The following SCP2 variants were observed in gnomAD, a reference collection of about 807,000 sequenced individuals.
SCP2 encodes sterol carrier protein 2.
In SCP2, 48 loss-of-function variants were observed where a neutral mutation model predicts 71.4. The ratio of observed to expected loss-of-function variants is 0.67; its 90% CI spans 0.53 to 0.86. The LOEUF is 0.86. Among genes scored for constraint, SCP2 ranks in the 40% least tolerant of loss-of-function variants. The pLI is 0.00. For missense variants in SCP2, 560 were observed against 655.6 expected (o/e 0.85, Z 1.59); for synonymous variants, 220 against 218.1 (o/e 1.01, Z -0.08).
chr1:53,051,628 T>G lies in SCP2; in HGVS notation c.*924T>G, dbSNP rs1664200238. 6.8e-6 allele frequency: 1 copy of G among 147,248 alleles called. No individual in the cohort carries two copies. The highest frequency in any genetic ancestry group is 1.5e-5 in the Non-Finnish European group (1 of 67,642). The allele number at this position is 147,248 out of a possible 1,614,324, so 9.1% of individuals were successfully genotyped here. A position where few individuals can be genotyped will look rare whatever the true frequency, so the allele number is the denominator to read the frequency against. Reference sequence around the variant, plus strand: ...TTTCTGGCCTCTCTTGTTTTTACTGTGTATGTTCTTGCTCAGGGCTCTCTA... The same window carrying G: ...TTTCTGGCCTCTCTTGTTTTTACTGGGTATGTTCTTGCTCAGGGCTCTCTA... On this transcript the variant is annotated 3_prime_UTR_variant, in exon 16 of 16. Coordinates refer to ENST00000371514, the MANE Select transcript of SCP2 (RefSeq NM_002979.5).
In SCP2 at chr1:53,038,922, G is replaced by A. The variant is rs200036240; in HGVS notation, c.1344G>A (p.Gly448=). The part of the protein sequence containing the change: ...KEIEKKLEEE[G]EQFVKKIGGI... ...AGTGTTATTTTTCTTTCCAGGAAGGGGAACAGTTTGTGAAGAAAATCGGTG... is the reference window on the plus strand; with the variant it reads ...AGTGTTATTTTTCTTTCCAGGAAGGAGAACAGTTTGTGAAGAAAATCGGTG... The change falls in exon 14 of 16, where the codon GGG becomes GGA. Residue 448 remains glycine (G), a synonymous_variant. Coordinates refer to ENST00000371514, the MANE Select transcript of SCP2 (RefSeq NM_002979.5). 7.2e-5 allele frequency: 116 copies of A among 1,613,884 alleles called. No homozygotes were observed. Among genetic ancestry groups the A allele is most frequent in the Admixed American group, 8.3e-5 (5 of 60,012 alleles).
rs76371442 is a variant in SCP2 at position 52,995,627 on chromosome 1, G to A, written c.1081+7491G>A. 2.2e-3 allele frequency: 1,353 copies of A among 612,636 alleles called. 18 individuals are homozygous for A. In the African/African-American group the frequency reaches 0.022, roughly 10 times the overall value. The allele number at this position is 612,636 out of a possible 1,614,324, so 38.0% of individuals were successfully genotyped here. A position where few individuals can be genotyped will look rare whatever the true frequency, so the allele number is the denominator to read the frequency against. ...AGAACATAATGAGACCCCTGCCACAGCTTATATCTCACCGTGGCTGCTGTC... is the reference window on the plus strand; with the variant it reads ...AGAACATAATGAGACCCCTGCCACAACTTATATCTCACCGTGGCTGCTGTC... On this transcript the variant is annotated intron_variant, in intron 11 of 15. Transcript: ENST00000371514.
intron 11 of SCP2, among the ~76,000 whole-genome samples, chr1:53,009,611 T>G (rs1314634862): frequency 6.6e-6 from 1 of 152,204 alleles, no homozygotes; most frequent in Non-Finnish European, 1.5e-5. Flanking sequence ...CCTTACACCT[T>G]ATACAAAAAT....
chr1:52,954,654 C>A, intron 4 of SCP2, 86 bp from the exon 5 acceptor site: 2 of 1,087,574 alleles, frequency 1.8e-6, no homozygotes, highest in East Asian at 2.4e-5. Flanking sequence ...GCTCACTTGA[C>A]GTACTTATTT....
chr1:53,017,010 A>G (rs1271888378), intron 12 of SCP2, among the ~76,000 whole-genome samples: 1 of 152,200 alleles, frequency 6.6e-6, no homozygotes, highest in African/African-American at 2.4e-5. Flanking sequence ...GCTGTGAACA[A>G]CTACATTTAA....
At position 53,010,880 on chromosome 1, in the gene SCP2, C is replaced by T. The variant is rs140758746; in HGVS notation, c.1082-4010C>T. ...AATTGCTCCTAACTCCACCATCTCTCCCAAAACCTATAAGAACTAATGATA... is the reference window on the plus strand; with the variant it reads ...AATTGCTCCTAACTCCACCATCTCTTCCAAAACCTATAAGAACTAATGATA... On this transcript the variant is annotated intron_variant, in intron 11 of 15. Coordinates refer to ENST00000371514, the MANE Select transcript of SCP2 (RefSeq NM_002979.5). Among the ~76,000 whole-genome samples, 952 of 152,252 alleles carry T rather than the reference C, an allele frequency of 6.3e-3. 16 individuals carry two copies. Among genetic ancestry groups the T allele is most frequent in the African/African-American group, 0.022 (915 of 41,540 alleles).
intron 11 of SCP2, chr1:52,994,089 C>G (rs1659751153): frequency 9.4e-7 from 1 of 1,065,864 alleles, no homozygotes; most frequent in African/African-American, 1.7e-5. Flanking sequence ...TATTTTAAAA[C>G]TATTTTCTGC....
At chr1:53,011,762 G>T (rs1661001372) in intron 11 of SCP2, among the ~76,000 whole-genome samples, 1 of 152,132 alleles carries the variant, frequency 6.6e-6, no homozygotes, top group Admixed American at 6.5e-5. Flanking sequence ...ATCTGTAAAA[G>T]AATCGATTTG....
intron 14 of SCP2, among the ~76,000 whole-genome samples, 193 bp from the exon 15 acceptor site, chr1:53,047,665 T>C (rs1216378639): frequency 6.6e-6 from 1 of 152,194 alleles, no homozygotes; most frequent in Admixed American, 6.5e-5. Flanking sequence ...TTCCGTCTTG[T>C]TAAATATCAG....
intron 6 of SCP2, among the ~76,000 whole-genome samples, chr1:52,973,181 G>A (rs1471841152): frequency 4.6e-5 from 7 of 152,162 alleles, no homozygotes; most frequent in Admixed American, 4.6e-4. Context: ...ATTAATGCCT[G>A]TTGTTTCACA....
At position 53,035,642 on chromosome 1, in the gene SCP2, A is replaced by G. The variant is rs532599629; in HGVS notation, c.1339-3275A>G. 2.6e-5 allele frequency among the ~76,000 whole-genome samples: 4 copies of G among 152,320 alleles called. No homozygotes were observed. The South Asian group carries it at 8.3e-4, about 32-fold the overall frequency. On this transcript the variant is annotated intron_variant, in intron 13 of 15. Coordinates refer to ENST00000371514, the MANE Select transcript of SCP2 (RefSeq NM_002979.5). ...CAAGAATATTTGGAAGAGAAGAATTATAATTGAGATTTGCTGTGTCAGAGT... is the reference window on the plus strand; with the variant it reads ...CAAGAATATTTGGAAGAGAAGAATTGTAATTGAGATTTGCTGTGTCAGAGT...
intron 11 of SCP2, among the ~76,000 whole-genome samples, chr1:52,990,416 G>T (rs960510287): frequency 2.6e-5 from 4 of 151,856 alleles, no homozygotes; most frequent in Non-Finnish European, 5.9e-5. Flanking sequence ...ATATATTAAA[G>T]GAAACCATAT....
At chr1:53,001,682 C>G (rs1349779514) in intron 11 of SCP2, among the ~76,000 whole-genome samples, 1 of 152,158 alleles carries the variant, frequency 6.6e-6, no homozygotes, top group Non-Finnish European at 1.5e-5. Context: ...TTATACTGTT[C>G]TTCAGTGTCC....
At chr1:52,949,372 G>C (rs1451205417) in intron 3 of SCP2, among the ~76,000 whole-genome samples, 1 of 152,150 alleles carries the variant, frequency 6.6e-6, no homozygotes, top group East Asian at 1.9e-4. Context: ...TGTTACTTGT[G>C]TTTGAAATGC....
Position 52,961,633 on chromosome 1 carries a change from T to A in SCP2, c.523+4T>A. The A allele has an allele frequency of 1.2e-6, 2 of 1,613,460 alleles. No homozygotes were observed. The highest frequency in any genetic ancestry group is 1.7e-6 in the Non-Finnish European group (2 of 1,179,570). On this transcript the variant is annotated splice_donor_region_variant and intron_variant, in intron 6 of 15. Coordinates refer to ENST00000371514, the MANE Select transcript of SCP2 (RefSeq NM_002979.5). Reference sequence around the variant, plus strand: ...AAAGAACATATGGAAAAATATGGTATGTTACAGTTAAAAAACTTTGAGGCT... The same window carrying A: ...AAAGAACATATGGAAAAATATGGTAAGTTACAGTTAAAAAACTTTGAGGCT...
intron 15 of SCP2, chr1:53,050,290 C>T: frequency 1.6e-5 from 4 of 247,004 alleles, no homozygotes; most frequent in Non-Finnish European, 2.4e-5. Context: ...TTCATATTTC[C>T]CACCTACATG....
intron 12 of SCP2, among the ~76,000 whole-genome samples, chr1:53,025,885 A>G (rs1229802395): frequency 6.6e-6 from 1 of 152,154 alleles, no homozygotes; most frequent in African/African-American, 2.4e-5. Flanking sequence ...TGCCTGCATC[A>G]TCATTTGGCC....
chr1:52,956,898 C>T (rs1388563628), intron 5 of SCP2, among the ~76,000 whole-genome samples: 1 of 134,058 alleles, frequency 7.5e-6, no homozygotes. Context: ...GTCCCTCCTT[C>T]TGCCTTTTTT....
intron 12 of SCP2, among the ~76,000 whole-genome samples, chr1:53,024,189 T>C (rs922386556): frequency 1.3e-5 from 2 of 152,128 alleles, no homozygotes; most frequent in African/African-American, 4.8e-5. Flanking sequence ...GATATGTCAG[T>C]CACAAAAAGA....
Sources: gnomAD v4.1 joint callset for allele counts (sites outside exome capture counted in the v4.1 genomes callset) on GRCh38, gnomAD v4.1.1 for gene constraint, MANE v1.5 for transcripts, NCBI Gene and HGNC (gene_info 2026-07-23, HGNC 2026-07-21) for gene names.